Variants in USP48 observed in about 807,000 individuals in gnomAD.
USP48 encodes the protein ubiquitin carboxyl-terminal hydrolase 48.
USP48 carries 43 observed loss-of-function variants against 150.7 expected under a neutral mutation model. That is an observed-to-expected ratio of 0.29 (90% confidence interval 0.22 to 0.37). The LOEUF is 0.37. Ranked by LOEUF, USP48 falls within the 10% of genes least tolerant of loss-of-function variation. USP48 has a pLI of 1.00. For missense variants in USP48, 813 were observed against 1,249.6 expected (o/e 0.65, Z 5.27); for synonymous variants, 396 against 425.9 (o/e 0.93, Z 0.86).
At chr1:21,776,592 C>CA (rs59309344) in intron 1 of USP48, among the ~76,000 whole-genome samples, 15,972 of 57,914 alleles carry the variant, frequency 0.28, 4,070 homozygotes, top group South Asian at 0.3. Context: ...TGTCTTGTCT[C>CA]AAAAAAAAAA....
chr1:21,749,587 A>T (rs2097803839), intron 6 of USP48, among the ~76,000 whole-genome samples: 1 of 151,694 alleles, frequency 6.6e-6, no homozygotes, highest in African/African-American at 2.4e-5. Context: ...TCTGCAAATT[A>T]AAAAAAAATT....
intron 3 of USP48, 64 bp from the exon 4 acceptor site, chr1:21,753,183 T>C: frequency 1.3e-6 from 2 of 1,504,738 alleles, no homozygotes; most frequent in Non-Finnish European, 9.0e-7. Flanking sequence ...CAAAAAATGG[T>C]ACTTCCTCTT....
At chr1:21,714,580 T>C (rs1018102) in intron 15 of USP48, among the ~76,000 whole-genome samples, 73,071 of 151,850 alleles carry the variant, frequency 0.48, 18,059 homozygotes, top group East Asian at 0.66. Flanking sequence ...TCTTTGGAGG[T>C]GGGAAGGGGA....
At chr1:21,750,489 C>T (rs2097807776) in intron 6 of USP48, among the ~76,000 whole-genome samples, 1 of 152,112 alleles carries the variant, frequency 6.6e-6, no homozygotes, top group Non-Finnish European at 1.5e-5. Context: ...ATTTTACTGT[C>T]CCTCCCTTGT....
At chr1:21,735,787 C>A (rs11807309) in intron 9 of USP48, among the ~76,000 whole-genome samples, 17,317 of 151,024 alleles carry the variant, frequency 0.11, 1,188 homozygotes, top group African/African-American at 0.18. Context: ...ACTTGGGAGG[C>A]TGAGGCAGGA....
chr1:21,763,105 C>A (rs1038989519), intron 1 of USP48, among the ~76,000 whole-genome samples: 2 of 152,166 alleles, frequency 1.3e-5, no homozygotes, highest in Non-Finnish European at 2.9e-5. Flanking sequence ...GCAAACACAA[C>A]CTATGGCCTA....
Position 21,715,423 on chromosome 1 carries a change from T to C in USP48, c.1929A>G (p.Glu643=), listed in dbSNP as rs1557481094. 6.3e-7 allele frequency: 1 copy of C among 1,585,572 alleles called. No individual in the cohort carries two copies. The highest frequency in any genetic ancestry group is 8.7e-7 in the Non-Finnish European group (1 of 1,155,450). The change falls in exon 15 of 27, where the codon GAA becomes GAG. Residue 643 remains glutamate, a synonymous_variant. Transcript: ENST00000308271. ...ESKEERKEEE[E]LNFNEDILCP... ...ACAGAATATCTTCATTAAAATTTAATTCCTCCTCTTCTTTTCTTTCTTCCT... is the reference window on the plus strand; with the variant it reads ...ACAGAATATCTTCATTAAAATTTAACTCCTCCTCTTCTTTTCTTTCTTCCT...
In USP48 at chr1:21,713,989, A is replaced by G. The variant is rs185551263; in HGVS notation, c.1963+1400T>C. Among the ~76,000 whole-genome samples the G allele has an allele frequency of 6.8e-3, 1,038 of 152,284 alleles. 7 individuals are homozygous for G. Among genetic ancestry groups the G allele is most frequent in the Non-Finnish European group, 0.011 (779 of 68,014 alleles). On this transcript the variant is annotated intron_variant, in intron 15 of 26. Transcript: ENST00000308271. ...CCACTCACTTCGCAAGCTAAAGTGC[A>G]GTGAGATAATCCAGAATGCTAGTAC...
chr1:21,780,946 T>G (rs1163428488), intron 1 of USP48, among the ~76,000 whole-genome samples: 1 of 151,092 alleles, frequency 6.6e-6, no homozygotes, highest in Non-Finnish European at 1.5e-5. Context: ...TTCACCATGC[T>G]GGCCAGGCTG....
intron 8 of USP48, among the ~76,000 whole-genome samples, chr1:21,740,474 A>C (rs1051162456): frequency 6.6e-6 from 1 of 152,250 alleles, no homozygotes; most frequent in Non-Finnish European, 1.5e-5. Context: ...ATCAAAAACC[A>C]AAAGGAAATC....
At chr1:21,741,139 C>T (rs986718145) in intron 8 of USP48, among the ~76,000 whole-genome samples, 4 of 152,106 alleles carry the variant, frequency 2.6e-5, no homozygotes, top group African/African-American at 9.7e-5. Flanking sequence ...AAAATCAAAC[C>T]AAGTGTTACA....
At chr1:21,779,856 A>G (rs1368024214) in intron 1 of USP48, among the ~76,000 whole-genome samples, 1 of 152,140 alleles carries the variant, frequency 6.6e-6, no homozygotes, top group Non-Finnish European at 1.5e-5. Context: ...GCAAATCAAA[A>G]CTACAAAGAT....
intron 18 of USP48, 33 bp from the exon 19 acceptor site, chr1:21,705,870 C>A: frequency 6.8e-7 from 1 of 1,480,648 alleles, no homozygotes; most frequent in South Asian, 1.3e-5. Context: ...AGAAATATAC[C>A]TAATTACTGC....
At position 21,678,417 on chromosome 1, in the gene USP48, T is replaced by A. The variant is rs1192613059; in HGVS notation, c.*1000A>T. On this transcript the variant is annotated 3_prime_UTR_variant, in exon 27 of 27. Coordinates refer to ENST00000308271, the MANE Select transcript of USP48 (RefSeq NM_032236.8). The stretch of plus-strand genomic sequence containing the variant: ...AATCCTGAGTTGGATGGACAGCACA[T>A]CCATATACTTTTTTCCTTTTTTAAA... 1 of 152,026 alleles carries A rather than the reference T, an allele frequency of 6.6e-6. No homozygotes were observed. Among genetic ancestry groups the A allele is most frequent in the African/African-American group, 2.4e-5 (1 of 41,360 alleles). 9.4% of individuals were successfully genotyped at this position (152,026 alleles called of 1,614,324 possible). A position where few individuals can be genotyped will look rare whatever the true frequency, so the allele number is the denominator to read the frequency against.
chr1:21,688,085 C>G (rs1239982415), intron 24 of USP48, among the ~76,000 whole-genome samples: 1 of 152,176 alleles, frequency 6.6e-6, no homozygotes, highest in African/African-American at 2.4e-5. Context: ...AACAATGATT[C>G]TACCACATGA....
intron 17 of USP48, 67 bp downstream of exon 17, chr1:21,706,400 C>T: frequency 6.2e-7 from 1 of 1,604,766 alleles, no homozygotes; most frequent in Non-Finnish European, 8.5e-7. Flanking sequence ...TGAAATAGCT[C>T]ACTGGGAATT....
chr1:21,692,490 C>A (rs2097605178), intron 23 of USP48, among the ~76,000 whole-genome samples: 1 of 152,066 alleles, frequency 6.6e-6, no homozygotes, highest in Non-Finnish European at 1.5e-5. Flanking sequence ...TTTGTACTAC[C>A]CTATGAAACT....
intron 9 of USP48, among the ~76,000 whole-genome samples, chr1:21,730,689 AT>A (rs1451215414): frequency 5.3e-5 from 8 of 152,050 alleles, no homozygotes; most frequent in Admixed American, 2.6e-4. Context: ...CCTCAAAAAA[AT>A]AAATAAATAA....
intron 1 of USP48, 27 bp downstream of exon 1, chr1:21,782,797 C>CCGCGAGG (rs1434446933): frequency 1.3e-6 from 2 of 1,508,684 alleles, no homozygotes; most frequent in East Asian, 2.7e-5. Context: ...CGCGAGGAGC[C>CCGCGAGG]CGCGAGGCGC....
Sources: gnomAD v4.1 joint callset for allele counts (sites outside exome capture counted in the v4.1 genomes callset) on GRCh38, gnomAD v4.1.1 for gene constraint, MANE v1.5 for transcripts, NCBI Gene and HGNC (gene_info 2026-07-23, HGNC 2026-07-21) for gene names.